MUSTN1: variants seen among roughly 807,000 people sequenced by gnomAD.
MUSTN1 encodes musculoskeletal, embryonic nuclear protein 1, also known as musculoskeletal embryonic nuclear protein 1.
In MUSTN1, 14 loss-of-function variants were observed where a neutral mutation model predicts 11.8. The ratio of observed to expected loss-of-function variants is 1.18; its 90% CI spans 0.78 to 1.85. The LOEUF (loss-of-function observed/expected upper bound fraction) is 1.85. Among genes scored for constraint, MUSTN1 ranks in the 40% most tolerant of loss-of-function variants. MUSTN1 has a pLI of 0.00. For synonymous variants in MUSTN1, 42 were observed against 43.3 expected, an observed-to-expected ratio of 0.97 and a Z score of 0.12; for missense variants, 111 against 108.8, an observed-to-expected ratio of 1.02 and a Z score of -0.09.
Position 52,834,926 on chromosome 3 carries a change from C to T in MUSTN1, c.9+14G>A. 6.2e-7 allele frequency: 1 copy of T among 1,613,474 alleles called. No individual in the cohort carries two copies. Among genetic ancestry groups the T allele is most frequent in the South Asian group, 1.1e-5 (1 of 90,828 alleles). ...CCCTCTGGCATCAACACAGCCCTTG[C>T]TGGGTCCTCCTACCTGGGACATGGT... On this transcript the variant is annotated intron_variant, in intron 1 of 2. Coordinates refer to ENST00000446157, the MANE Select transcript of MUSTN1 (RefSeq NM_205853.4).
rs1397601970 is a variant in MUSTN1 at position 52,833,493 on chromosome 3, G to A, written c.143-63C>T. The A allele has an allele frequency of 6.3e-6, 10 of 1,592,912 alleles. No individual in the cohort carries two copies. The East Asian group carries it at 2.0e-4, about 32-fold the overall frequency. On this transcript the variant is annotated intron_variant, in intron 2 of 2. Coordinates refer to ENST00000446157, the MANE Select transcript of MUSTN1 (RefSeq NM_205853.4). Reference sequence around the variant, plus strand: ...CCTGGGAGGGAAGATCCCTTACGATGGGAGCACCTTTCTTGAACCCAGGAA... The same window carrying A: ...CCTGGGAGGGAAGATCCCTTACGATAGGAGCACCTTTCTTGAACCCAGGAA...
At chr3:52,833,869 C>T (rs2106637366) in intron 1 of MUSTN1, 120 bp from the exon 2 acceptor site, 1 of 1,432,184 alleles carries the variant, frequency 7.0e-7, no homozygotes, top group Non-Finnish European at 9.2e-7. Context: ...ATTCAAGGCT[C>T]TACTCCTCTT....
rs779239893 is a variant in MUSTN1 at position 52,833,708 on chromosome 3, AG to A, written c.50del (p.Pro17LeufsTer2). 6.9e-6 allele frequency: 11 copies of A among 1,590,038 alleles called. No homozygotes were observed. The highest frequency in any genetic ancestry group is 8.6e-6 in the Non-Finnish European group (10 of 1,168,294). ...QEAPIKKKRP[P>X]VKDEDLKGAR... ...CCCCCTTCAGGTCCTCGTCCTTCAC[AG>A]GGGGGCGCTTCTTCTTGATAGGGGC... On this transcript the variant is annotated frameshift_variant, in exon 2 of 3. Coordinates refer to ENST00000446157, the MANE Select transcript of MUSTN1 (RefSeq NM_205853.4). LOFTEE classifies it high-confidence loss of function.
chr3:52,835,012 A>C lies in MUSTN1; in HGVS notation c.-64T>G, dbSNP rs1700675241. ...TCTCTGGCAGGCAGCAGCTGCTGGA[A>C]AAGATCTGAGTGGAGCCCAGCCTTC... is the stretch of plus-strand genomic sequence containing the variant. On this transcript the variant is annotated 5_prime_UTR_variant, in exon 1 of 3. Coordinates refer to ENST00000446157, the MANE Select transcript of MUSTN1 (RefSeq NM_205853.4). 6.2e-7 allele frequency: 1 copy of C among 1,605,806 alleles called. No homozygotes were observed. Among genetic ancestry groups the C allele is most frequent in the Non-Finnish European group, 8.5e-7 (1 of 1,175,602 alleles).
chr3:52,833,139 C>G lies in MUSTN1; in HGVS notation c.*185G>C. 1.1e-6 allele frequency: 1 copy of G among 870,746 alleles called. No individual in the cohort carries two copies. Among genetic ancestry groups the G allele is most frequent in the Non-Finnish European group, 1.9e-6 (1 of 537,454 alleles). The allele number at this position is 870,746 out of a possible 1,614,324, so 53.9% of individuals were successfully genotyped here. A position where few individuals can be genotyped will look rare whatever the true frequency, so the allele number is the denominator to read the frequency against. On this transcript the variant is annotated 3_prime_UTR_variant, in exon 3 of 3. Coordinates refer to ENST00000446157, the MANE Select transcript of MUSTN1 (RefSeq NM_205853.4). ...CTTCTGATTGCTGGGGCCACGTGGGCATCCTCTTTATTGGTGCTTCCAAGG... is the reference window on the plus strand; with the variant it reads ...CTTCTGATTGCTGGGGCCACGTGGGGATCCTCTTTATTGGTGCTTCCAAGG...
chr3:52,833,865 G>T (rs1392691791), intron 1 of MUSTN1, 116 bp from the exon 2 acceptor site: 4 of 1,448,002 alleles, frequency 2.8e-6, no homozygotes, highest in Non-Finnish European at 3.7e-6. Context: ...GCCTATTCAA[G>T]GCTCTACTCC....
intron 1 of MUSTN1, chr3:52,834,667 C>A: frequency 1.6e-6 from 1 of 614,024 alleles, no homozygotes; most frequent in Admixed American, 2.8e-5. Context: ...CACACACACA[C>A]ACACACACAG....
rs1467638635 is a variant in MUSTN1, at chr3:52,833,648, C to A, written c.111G>T (p.Lys37Asn). The change falls in exon 2 of 3, where the codon AAG (lysine) becomes AAT (asparagine). Residue 37 changes from lysine to asparagine, a missense_variant. By Grantham distance (94) the Lys-to-Asn change is moderately conservative. Coordinates refer to ENST00000446157, the MANE Select transcript of MUSTN1 (RefSeq NM_205853.4). ...CTCGCATGACCTGGTAGGTCTTGGACTTGATTTCCTGGTTCTTGGTCAGGT... is the reference window on the plus strand; with the variant it reads ...CTCGCATGACCTGGTAGGTCTTGGAATTGATTTCCTGGTTCTTGGTCAGGT... The part of the protein sequence containing the change: ...RGNLTKNQEI[K>N]SKTYQVMREC... 6.2e-7 allele frequency: 1 copy of A among 1,609,730 alleles called. No individual in the cohort carries two copies. Among genetic ancestry groups the A allele is most frequent in the Non-Finnish European group, 8.5e-7 (1 of 1,178,048 alleles).
At chr3:52,834,235 T>C (rs1700652354) in intron 1 of MUSTN1, among the ~76,000 whole-genome samples, 1 of 152,104 alleles carries the variant, frequency 6.6e-6, no homozygotes, top group Non-Finnish European at 1.5e-5. Context: ...CCCACAGAAT[T>C]ACAGTCCAAA....
At chr3:52,834,510 A>T (rs1199585345) in intron 1 of MUSTN1, among the ~76,000 whole-genome samples, 1 of 152,104 alleles carries the variant, frequency 6.6e-6, no homozygotes, top group Non-Finnish European at 1.5e-5. Context: ...GTGCACACAC[A>T]TACAGCTTCA....
Position 52,834,873 on chromosome 3 carries a change from C to T in MUSTN1, c.9+67G>A, listed in dbSNP as rs73839524. The T allele has an allele frequency of 2.9e-3, 4,630 of 1,586,186 alleles. 111 individuals are homozygous for T. In the African/African-American group the frequency reaches 0.055, roughly 19 times the overall value. On this transcript the variant is annotated intron_variant, in intron 1 of 2. Coordinates refer to ENST00000446157, the MANE Select transcript of MUSTN1 (RefSeq NM_205853.4). Reference sequence around the variant, plus strand: ...CAGATCAAGACACAGCTGCCAGAGCCGAAAGTGTCCAGGACTCCACCTCCA... The same window carrying T: ...CAGATCAAGACACAGCTGCCAGAGCTGAAAGTGTCCAGGACTCCACCTCCA...
chr3:52,834,700 GCC>G (rs77032405), intron 1 of MUSTN1: 2 of 634,698 alleles, frequency 3.2e-6, no homozygotes, highest in Non-Finnish European at 5.6e-6. Context: ...ATCTATCTAG[GCC>G]CCCCCCACCC....
rs777178700 is a variant in MUSTN1, at chr3:52,833,367, A to G, written c.206T>C (p.Phe69Ser). ...GGTGGGTCCGGCTTTGGGCTTCTCAAAGACAGTCTCGGTACCTGTGCGGGT... is the reference window on the plus strand; with the variant it reads ...GGTGGGTCCGGCTTTGGGCTTCTCAGAGACAGTCTCGGTACCTGTGCGGGT... ...SRTRTGTETVFEKPKAGPTKS... is the reference protein window; with the variant it reads ...SRTRTGTETVSEKPKAGPTKS... The change falls in exon 3 of 3, where the codon TTT (phenylalanine) becomes TCT (serine). Residue 69 changes from phenylalanine (F) to serine (S), a missense_variant. Coordinates refer to ENST00000446157, the MANE Select transcript of MUSTN1 (RefSeq NM_205853.4). 6.2e-7 allele frequency: 1 copy of G among 1,613,858 alleles called. No individual in the cohort carries two copies. Among genetic ancestry groups the G allele is most frequent in the Non-Finnish European group, 8.5e-7 (1 of 1,179,866 alleles).
At chr3:52,834,710 C>A in intron 1 of MUSTN1, 2 of 653,892 alleles carry the variant, frequency 3.1e-6, no homozygotes, top group Non-Finnish European at 5.5e-6. Flanking sequence ...GCCCCCCCCA[C>A]CCCCAACATT....
At chr3:52,833,457 C>T in intron 2 of MUSTN1, 27 bp from the exon 3 acceptor site, 2 of 1,604,378 alleles carry the variant, frequency 1.2e-6, no homozygotes, top group Non-Finnish European at 1.7e-6. Flanking sequence ...AGTCAGGGGC[C>T]AGCCTAGCTT....
At position 52,833,211 on chromosome 3, in the gene MUSTN1, G is replaced by T; in HGVS notation, c.*113C>A. 6.8e-7 allele frequency: 1 copy of T among 1,471,270 alleles called. No individual in the cohort carries two copies. The highest frequency in any genetic ancestry group is 1.7e-4 in the Middle Eastern group (1 of 5,860). 91.1% of individuals were successfully genotyped at this position (1,471,270 alleles called of 1,614,324 possible). A position where few individuals can be genotyped will look rare whatever the true frequency, so the allele number is the denominator to read the frequency against. ...TGAAGGGCCTGGACTGTGGGGGAGG[G>T]TGGCAGCCCCAGAGACAGCAGGGGA... On this transcript the variant is annotated 3_prime_UTR_variant, in exon 3 of 3. Transcript: ENST00000446157.
chr3:52,833,680 G>A lies in MUSTN1; in HGVS notation c.79C>T (p.Arg27Ter), dbSNP rs192116707. ...PVKDEDLKGA[R>*]GNLTKNQEIK... The stretch of plus-strand genomic sequence containing the variant: ...TCCTGGTTCTTGGTCAGGTTTCCTC[G>A]GGCCCCCTTCAGGTCCTCGTCCTTC... The change falls in exon 2 of 3, where the codon CGA becomes TGA. Residue 27 changes from arginine to a stop codon, truncating the protein, a stop_gained. Transcript: ENST00000446157. LOFTEE classifies it high-confidence loss of function. 23 of 1,603,134 alleles carry A rather than the reference G, an allele frequency of 1.4e-5. No individual in the cohort carries two copies. In the Admixed American group the frequency reaches 2.6e-4, roughly 18 times the overall value.
At chr3:52,834,825 GCC>G in intron 1 of MUSTN1, 113 bp downstream of exon 1, 1 of 1,295,542 alleles carries the variant, frequency 7.7e-7, no homozygotes, top group Non-Finnish European at 1.1e-6. Context: ...GGGCTGCAGA[GCC>G]TCCAGTTCAT....
chr3:52,834,561 G>A (rs1700661838), intron 1 of MUSTN1, among the ~76,000 whole-genome samples: 1 of 151,892 alleles, frequency 6.6e-6, no homozygotes, highest in African/African-American at 2.4e-5. Context: ...CTATGTGTGT[G>A]GCCACACACA....
Sources: gnomAD v4.1 joint callset for allele counts (sites outside exome capture counted in the v4.1 genomes callset) on GRCh38, gnomAD v4.1.1 for gene constraint, MANE v1.5 for transcripts, NCBI Gene and HGNC (gene_info 2026-07-23, HGNC 2026-07-21) for gene names.